PCSK2: variants seen among roughly 807,000 people sequenced by gnomAD.
PCSK2 encodes the protein proprotein convertase subtilisin/kexin type 2, also known as neuroendocrine convertase 2.
In PCSK2, 14 loss-of-function variants were observed where a neutral mutation model predicts 69.7. The observed-to-expected ratio is 0.20, with a 90% CI of 0.13 to 0.31. The LOEUF (loss-of-function observed/expected upper bound fraction) is 0.31, where lower values mean the gene tolerates loss of function less well. Ranked by LOEUF, PCSK2 falls within the 10% of genes least tolerant of loss-of-function variation. PCSK2 has a pLI of 1.00. For synonymous variants in PCSK2, 307 were observed against 320.7 expected, an observed-to-expected ratio of 0.96 and a Z score of 0.46; for missense variants, 544 against 842.5, an observed-to-expected ratio of 0.65 and a Z score of 4.39.
At chr20:17,263,364 T>A (rs1987466557) in intron 2 of PCSK2, among the ~76,000 whole-genome samples, 1 of 152,264 alleles carries the variant, frequency 6.6e-6, no homozygotes, top group Admixed American at 6.5e-5. Context: ...TTAAAGATGT[T>A]CGCTTCTCTT....
intron 8 of PCSK2, among the ~76,000 whole-genome samples, chr20:17,441,952 G>A (rs1282891559): frequency 6.7e-6 from 1 of 149,958 alleles, no homozygotes; most frequent in African/African-American, 2.5e-5. Flanking sequence ...AATTAATTAA[G>A]ATGATGTCAT....
chr20:17,377,743 A>C (rs1449111432), intron 5 of PCSK2, among the ~76,000 whole-genome samples: 2 of 152,232 alleles, frequency 1.3e-5, no homozygotes, highest in Non-Finnish European at 2.9e-5. Flanking sequence ...ACTTTTTAAA[A>C]ATCACTTTGA....
At chr20:17,391,485 T>C (rs2031371719) in intron 5 of PCSK2, among the ~76,000 whole-genome samples, 1 of 152,150 alleles carries the variant, frequency 6.6e-6, no homozygotes, top group Non-Finnish European at 1.5e-5. Flanking sequence ...ATGGAAACAG[T>C]GTTGTGCCAA....
Position 17,453,928 on chromosome 20 carries a change from G to A in PCSK2, c.1072G>A (p.Gly358Arg), listed in dbSNP as rs756030433. The A allele has an allele frequency of 6.2e-7, 1 of 1,614,190 alleles. No individual in the cohort carries two copies. The highest frequency in any genetic ancestry group is 2.2e-5 in the East Asian group (1 of 44,890). ...SSTLASTFSN[G>R]RKRNPEAGVA... ...CACCTTGGCTTCCACCTTCAGCAACGGGAGGAAAAGGAACCCCGAGGCCGG... is the reference window on the plus strand; with the variant it reads ...CACCTTGGCTTCCACCTTCAGCAACAGGAGGAAAAGGAACCCCGAGGCCGG... Residue 358 changes from glycine to arginine, a missense_variant, in exon 9 of 12, where the codon GGG becomes AGG. This residue lies in a region of PCSK2 where 187 missense variants were observed against 399.8 expected (regional missense o/e 0.47). Coordinates refer to ENST00000262545, the MANE Select transcript of PCSK2 (RefSeq NM_002594.5). This position sits in a 1 kb window ranked among gnomAD's most constrained non-coding sequence, Gnocchi z 4.0.
intron 6 of PCSK2, among the ~76,000 whole-genome samples, chr20:17,414,564 G>T (rs977254233): frequency 6.6e-6 from 1 of 152,126 alleles, no homozygotes; most frequent in Admixed American, 6.5e-5. Flanking sequence ...ACCAAAAAAA[G>T]TCCAGGACCA....
intron 2 of PCSK2, among the ~76,000 whole-genome samples, chr20:17,289,827 T>C (rs1988638693): frequency 6.6e-6 from 1 of 152,240 alleles, no homozygotes; most frequent in Non-Finnish European, 1.5e-5. Flanking sequence ...ATCATTTATT[T>C]AACAATTCCT....
chr20:17,255,730 T>C (rs1987154106), intron 1 of PCSK2, among the ~76,000 whole-genome samples: 1 of 152,222 alleles, frequency 6.6e-6, no homozygotes, highest in Non-Finnish European at 1.5e-5. Context: ...CATGTGGTTT[T>C]TGTTATTTAT....
At chr20:17,334,851 T>A (rs905227853) in intron 2 of PCSK2, among the ~76,000 whole-genome samples, 16 of 152,204 alleles carry the variant, frequency 1.1e-4, no homozygotes, top group Non-Finnish European at 1.8e-4. Context: ...CTGTCAGTCA[T>A]GTTGGGTTTC....
At chr20:17,341,570 G>A (rs1328231707) in intron 2 of PCSK2, among the ~76,000 whole-genome samples, 3 of 152,172 alleles carry the variant, frequency 2.0e-5, no homozygotes, top group Non-Finnish European at 4.4e-5. Context: ...CGTCAAATGT[G>A]TTTATCTATT....
intron 5 of PCSK2, among the ~76,000 whole-genome samples, chr20:17,399,207 C>T (rs2031582733): frequency 6.6e-6 from 1 of 152,146 alleles, no homozygotes; most frequent in Non-Finnish European, 1.5e-5. Flanking sequence ...TTCAAATACC[C>T]CATAGAAGTA....
chr20:17,276,108 C>G (rs1988064676), intron 2 of PCSK2, among the ~76,000 whole-genome samples: 1 of 152,084 alleles, frequency 6.6e-6, no homozygotes, highest in Non-Finnish European at 1.5e-5. Flanking sequence ...TGAAACTTGC[C>G]TATGTAGTAG....
chr20:17,422,811 A>T (rs2032161206), intron 6 of PCSK2, among the ~76,000 whole-genome samples: 1 of 152,172 alleles, frequency 6.6e-6, no homozygotes, highest in South Asian at 2.1e-4. Context: ...CAGAATAGAG[A>T]GTGCAAAAAC....
intron 2 of PCSK2, among the ~76,000 whole-genome samples, chr20:17,281,870 A>T (rs1323374454): frequency 3.9e-5 from 6 of 152,120 alleles, no homozygotes; most frequent in Non-Finnish European, 8.8e-5. Context: ...ATGGATAAAG[A>T]TTCTCTCTGG....
chr20:17,295,252 C>T (rs1988848943), intron 2 of PCSK2, among the ~76,000 whole-genome samples: 1 of 151,406 alleles, frequency 6.6e-6, no homozygotes, highest in South Asian at 2.1e-4. Context: ...ACACCTCTCT[C>T]AAGAGTTTAA....
intron 5 of PCSK2, among the ~76,000 whole-genome samples, chr20:17,388,617 C>T (rs2031296253): frequency 6.6e-6 from 1 of 151,992 alleles, no homozygotes; most frequent in Non-Finnish European, 1.5e-5. Context: ...TTAGGCACCT[C>T]ATAAGTTCAG....
chr20:17,348,685 G>A (rs560661532), intron 2 of PCSK2, among the ~76,000 whole-genome samples: 4 of 152,138 alleles, frequency 2.6e-5, no homozygotes, highest in Non-Finnish European at 5.9e-5. Context: ...CATGAGGGAA[G>A]GACCTGTTCC....
intron 1 of PCSK2, among the ~76,000 whole-genome samples, chr20:17,234,852 T>C (rs1986276039): frequency 6.6e-6 from 1 of 152,186 alleles, no homozygotes; most frequent in Admixed American, 6.5e-5. Context: ...AAATCTGAAG[T>C]TCAATTTTTC....
chr20:17,450,878 A>C (rs1600590531), intron 8 of PCSK2, among the ~76,000 whole-genome samples: 1 of 152,128 alleles, frequency 6.6e-6, no homozygotes, highest in East Asian at 1.9e-4. Context: ...TAATATATGA[A>C]TTTGGGGGGG....
chr20:17,419,467 T>C (rs2032075006), intron 6 of PCSK2, among the ~76,000 whole-genome samples: 1 of 152,202 alleles, frequency 6.6e-6, no homozygotes, highest in African/African-American at 2.4e-5. Flanking sequence ...GTAACTCAAA[T>C]TGTAAAAAGG....
Sources: allele counts gnomAD v4.1 joint callset (sites outside exome capture counted in the v4.1 genomes callset), GRCh38; gene constraint gnomAD v4.1.1; regional missense constraint gnomAD v4.1.1; non-coding constraint Gnocchi (gnomAD v3.1); transcripts MANE v1.5; gene names NCBI Gene and HGNC (gene_info 2026-07-23, HGNC 2026-07-21).